MFN2: variants seen among roughly 807,000 people sequenced by gnomAD.
MFN2 encodes the protein mitofusin 2.
A neutral mutation model predicts 87.5 loss-of-function variants in MFN2; 43 were observed. The ratio of observed to expected loss-of-function variants is 0.49; its 90% CI spans 0.38 to 0.63. MFN2 has a LOEUF of 0.63. Among genes scored for constraint, MFN2 ranks in the 30% least tolerant of loss-of-function variants. The pLI is 0.00. For missense variants in MFN2, 743 were observed against 972.8 expected (o/e 0.76, Z 3.14); for synonymous variants, 337 against 359.9 (o/e 0.94, Z 0.72).
intron 16 of MFN2, 106 bp downstream of exon 16, chr1:12,006,799 C>T (rs535907979): frequency 5.4e-6 from 8 of 1,484,530 alleles, no homozygotes; most frequent in Non-Finnish European, 6.5e-6. Context: ...ACTCCACAGT[C>T]CACTGCATAC....
intron 2 of MFN2, among the ~76,000 whole-genome samples, chr1:11,986,158 T>C (rs1419043477): frequency 2.0e-5 from 3 of 152,206 alleles, no homozygotes; most frequent in Non-Finnish European, 2.9e-5. Flanking sequence ...GCCCACTCTT[T>C]GGGATGGTTA....
intron 4 of MFN2, among the ~76,000 whole-genome samples, chr1:11,994,620 G>A (rs1638833525): frequency 6.6e-6 from 1 of 152,028 alleles, no homozygotes. Flanking sequence ...AAGAAAAAAG[G>A]CATCTAGACA....
In MFN2 at chr1:12,003,618, C is replaced by T. The variant is rs184130073; in HGVS notation, c.1161-374C>T. Among the ~76,000 whole-genome samples, 260 of 150,750 alleles carry T rather than the reference C, an allele frequency of 1.7e-3. 1 individual carries two copies. Among genetic ancestry groups the T allele is most frequent in the Middle Eastern group, 0.01 (3 of 294 alleles). Reference sequence around the variant, plus strand: ...AGTGGAGGTTGCAGTGAGTGGAGATCGTGCCATTGCACTCCAGCCTGGGCA... The same window carrying T: ...AGTGGAGGTTGCAGTGAGTGGAGATTGTGCCATTGCACTCCAGCCTGGGCA... On this transcript the variant is annotated intron_variant, in intron 11 of 18. Transcript: ENST00000235329. This position sits in a 1 kb window ranked among gnomAD's most constrained non-coding sequence, Gnocchi z 4.1.
Position 12,004,525 on chromosome 1 carries a change from C to T in MFN2, c.1304C>T (p.Ala435Val). The T allele has an allele frequency of 6.2e-7, 1 of 1,614,122 alleles. No individual in the cohort carries two copies. The highest frequency in any genetic ancestry group is 8.5e-7 in the Non-Finnish European group (1 of 1,180,010). The change falls in exon 13 of 19, where the codon GCC (alanine) becomes GTC (valine). Residue 435 changes from alanine (A) to valine (V), a missense_variant. Physicochemically the swap from Ala to Val is moderately conservative, Grantham distance 64. This residue lies in a region of MFN2 where 571 missense variants were observed against 670.7 expected (regional missense o/e 0.85). Transcript: ENST00000235329. This position sits in a 1 kb window ranked among gnomAD's most constrained non-coding sequence, Gnocchi z 4.2. ...TTGCTGTAGGTGTCGACTGCAATGG[C>T]CGAGGAGATCAGGCGCCTCTCTGTA... ...EVERQVSTAM[A>V]EEIRRLSVLV... is the part of the protein sequence containing the mutation.
In MFN2 at chr1:12,002,422, AG is replaced by A. The variant is rs1200425748; in HGVS notation, c.1160+320del. Among the ~76,000 whole-genome samples the A allele has an allele frequency of 3.3e-5, 5 of 152,384 alleles. No homozygotes were observed. The East Asian group carries it at 7.7e-4, about 23-fold the overall frequency. ...TCAAAACAACATTCCAGCCAGGAGC[AG>A]TGACTCACACCTGTGATCTCAACAC... On this transcript the variant is annotated intron_variant, in intron 11 of 18. Transcript: ENST00000235329.
intron 2 of MFN2, among the ~76,000 whole-genome samples, chr1:11,987,031 T>A (rs1422852434): frequency 2.6e-5 from 4 of 152,098 alleles, no homozygotes; most frequent in Non-Finnish European, 5.9e-5. Context: ...ATAATATGGC[T>A]GGGTACGGTG....
At chr1:11,982,537 G>C (rs1646005407) in intron 2 of MFN2, 1 of 152,228 alleles carries the variant, frequency 6.6e-6, no homozygotes, top group Non-Finnish European at 1.5e-5. Flanking sequence ...GCCAGCAGAC[G>C]ATCCGTGGAT....
intron 1 of MFN2, among the ~76,000 whole-genome samples, chr1:11,980,760 C>G (rs1214577723): frequency 6.6e-6 from 1 of 152,252 alleles, no homozygotes; most frequent in Non-Finnish European, 1.5e-5. Context: ...CCTGCCCCTT[C>G]TCTATTTTTC....
chr1:12,006,346 A>G (rs1238107501), intron 15 of MFN2, among the ~76,000 whole-genome samples, 192 bp from the exon 16 acceptor site: 1 of 152,070 alleles, frequency 6.6e-6, no homozygotes, highest in Non-Finnish European at 1.5e-5. Flanking sequence ...TCCTGCTCAC[A>G]TTTTGCACGT....
intron 8 of MFN2, among the ~76,000 whole-genome samples, chr1:12,000,734 AG>A (rs1639133943): frequency 6.6e-6 from 1 of 152,198 alleles, no homozygotes. Flanking sequence ...ATGCCCCAGG[AG>A]GACACAGCTT....
At chr1:12,011,427 G>A (rs1394162294) in intron 18 of MFN2, 69 bp from the exon 19 acceptor site, 23 of 1,504,674 alleles carry the variant, frequency 1.5e-5, no homozygotes, top group Non-Finnish European at 2.0e-5. Context: ...TTAGGATGGT[G>A]CCTGGCGGGT....
Position 11,989,779 on chromosome 1 carries a change from C to T in MFN2, c.175+436C>T, listed in dbSNP as rs182663156. On this transcript the variant is annotated intron_variant, in intron 3 of 18. Coordinates refer to ENST00000235329, the MANE Select transcript of MFN2 (RefSeq NM_014874.4). ...GGGTGTCAGTGATCCCTGACCAGGG[C>T]GCCCTTTCTTTGATATTTTTAGATT... Among the ~76,000 whole-genome samples, 162 of 152,226 alleles carry T rather than the reference C, an allele frequency of 1.1e-3. 1 individual carries two copies. The highest frequency in any genetic ancestry group is 3.7e-3 in the African/African-American group (155 of 41,530).
At chr1:11,991,406 G>A (rs1326318350) in intron 3 of MFN2, among the ~76,000 whole-genome samples, 1 of 152,198 alleles carries the variant, frequency 6.6e-6, no homozygotes, top group Non-Finnish European at 1.5e-5. Context: ...AAGGCTTCCT[G>A]GGGGCAGTGC....
chr1:12,001,930 G>A, intron 10 of MFN2, 52 bp from the exon 11 acceptor site: 2 of 1,614,170 alleles, frequency 1.2e-6, no homozygotes, highest in African/African-American at 1.3e-5. Flanking sequence ...CTGGCCCTTG[G>A]TTGTAGGCCC....
intron 3 of MFN2, chr1:11,992,229 C>T: frequency 2.8e-6 from 1 of 351,606 alleles, no homozygotes; most frequent in Non-Finnish European, 5.4e-6. Flanking sequence ...TTGATCCTCA[C>T]GATGTTCTCA....
At chr1:11,991,923 C>CAAA (rs35314016) in intron 3 of MFN2, among the ~76,000 whole-genome samples, 929 of 16,720 alleles carry the variant, frequency 0.056, 231 homozygotes, top group East Asian at 0.13. Context: ...GACTCCGTCT[C>CAAA]AAAAAAAAAA....
chr1:11,991,949 A>AAAAAG (rs1638701637), intron 3 of MFN2, among the ~76,000 whole-genome samples: 3 of 144,844 alleles, frequency 2.1e-5, no homozygotes, highest in African/African-American at 8.0e-5. Context: ...AAAAAAAAAA[A>AAAAAG]AAAGAAGTGA....
rs1278360900 is a variant in MFN2 at position 12,004,075 on chromosome 1, A to G, written c.1244A>G (p.Tyr415Cys). The G allele has an allele frequency of 2.5e-6, 4 of 1,614,226 alleles. No individual in the cohort carries two copies. The South Asian group carries it at 3.3e-5, about 13-fold the overall frequency. The change falls in exon 12 of 19, where the codon TAT (tyrosine) becomes TGT (cysteine). Residue 415 changes from tyrosine (Y) to cysteine (C), a missense_variant. By Grantham distance (194) the Tyr-to-Cys change is radical. Around this residue, in one of 3 missense-constraint regions of MFN2, gnomAD observed 571 missense variants for 670.7 expected, o/e 0.85. Transcript: ENST00000235329. The surrounding 1 kb of genome is among the most constrained non-coding windows in gnomAD (Gnocchi z 4.2). ...CAGCTGGAGCTCTTGGCTCAAGACT[A>G]TAAGCTGCGAATTAAGCAGATTACG... ...DKQLELLAQD[Y>C]KLRIKQITEE...
intron 1 of MFN2, among the ~76,000 whole-genome samples, chr1:11,981,227 G>A (rs1420499099): frequency 6.6e-6 from 1 of 152,206 alleles, no homozygotes; most frequent in Non-Finnish European, 1.5e-5. Flanking sequence ...GAAGGAGGCC[G>A]GTCGCAGTGG....
Sources: allele counts gnomAD v4.1 joint callset (sites outside exome capture counted in the v4.1 genomes callset), GRCh38; gene constraint gnomAD v4.1.1; regional missense constraint gnomAD v4.1.1; non-coding constraint Gnocchi (gnomAD v3.1); transcripts MANE v1.5; gene names NCBI Gene and HGNC (gene_info 2026-07-23, HGNC 2026-07-21).